The following APOO variants were observed in gnomAD, a reference collection of about 807,000 sequenced individuals.
The protein encoded by APOO is apolipoprotein O.
APOO carries 11 observed loss-of-function variants against 23.1 expected under a neutral mutation model. The observed-to-expected ratio is 0.48, with a 90% CI of 0.30 to 0.79. The LOEUF is 0.79. APOO is among the 30% of genes least tolerant of loss of function. APOO has a pLI of 0.07. For missense variants in APOO, 160 were observed against 142.7 expected, an observed-to-expected ratio of 1.12 and a Z score of -0.62; for synonymous variants, 59 against 54.8, an observed-to-expected ratio of 1.08 and a Z score of -0.34.
rs760203325 is a variant in APOO, at chrX:23,880,937, C to T, written c.25G>A (p.Val9Met). The change falls in exon 2 of 9, where the codon GTG becomes ATG. Residue 9 changes from valine to methionine, a missense_variant. Transcript: ENST00000379226. MFKVIQRS[V>M]GPASLSLLTF... ...AGCAAGCTCAGGCTGGCTGGCCCCA[C>T]GGACCTCTGAATTACCTGAAATGCA... 4.2e-6 allele frequency: 5 copies of T among 1,180,469 alleles called. No individual in the cohort carries two copies. Among genetic ancestry groups the T allele is most frequent in the East Asian group, 3.1e-5 (1 of 32,535 alleles).
chrX:23,855,907 T>C (rs1287479615), intron 7 of APOO, among the ~76,000 whole-genome samples: 1 of 112,027 alleles, frequency 8.9e-6, no homozygotes, highest in Non-Finnish European at 1.9e-5. Flanking sequence ...GAACTCATGA[T>C]AAGTGAAAAA....
intron 1 of APOO, among the ~76,000 whole-genome samples, chrX:23,885,559 C>T (rs1475867106): frequency 2.7e-5 from 3 of 109,160 alleles, no homozygotes; most frequent in Admixed American, 2.0e-4. Context: ...ACACACTCAG[C>T]CTATCTTTGA....
intron 2 of APOO, among the ~76,000 whole-genome samples, chrX:23,880,329 G>T (rs1337611587): frequency 9.0e-6 from 1 of 111,627 alleles, no homozygotes; most frequent in Non-Finnish European, 1.9e-5. Flanking sequence ...TATCATTAAA[G>T]TTTATCTGTT....
chrX:23,835,338 C>T (rs1601873774), intron 8 of APOO, among the ~76,000 whole-genome samples: 1 of 111,787 alleles, frequency 8.9e-6, no homozygotes, highest in Non-Finnish European at 1.9e-5. Flanking sequence ...GCTGGGATTA[C>T]AGGTATGAGC....
At chrX:23,859,060 C>T (rs1788082923) in intron 5 of APOO, among the ~76,000 whole-genome samples, 2 of 111,522 alleles carry the variant, frequency 1.8e-5, no homozygotes, top group Non-Finnish European at 3.8e-5. Flanking sequence ...GAGCTATGAT[C>T]ACACCTCTAA....
At chrX:23,887,922 T>C (rs369288316) in intron 1 of APOO, among the ~76,000 whole-genome samples, 5 of 111,676 alleles carry the variant, frequency 4.5e-5, no homozygotes, top group East Asian at 2.8e-4. Flanking sequence ...AGGACTCTAA[T>C]GTGTTGGCTT....
At chrX:23,906,994 A>C (rs1927386622) in intron 1 of APOO, among the ~76,000 whole-genome samples, 1 of 112,781 alleles carries the variant, frequency 8.9e-6, no homozygotes, top group Non-Finnish European at 1.9e-5. Context: ...TTTGTAGATT[A>C]ATTTCTGGTA....
chrX:23,840,134 T>C (rs1923898266), intron 8 of APOO, 179 bp downstream of exon 8: 2 of 308,838 alleles, frequency 6.5e-6, no homozygotes, highest in African/African-American at 2.8e-5. Flanking sequence ...GTAACATTAG[T>C]GGAACAAACA....
At chrX:23,837,358 T>C (rs753251440) in intron 8 of APOO, 13 of 827,888 alleles carry the variant, frequency 1.6e-5, no homozygotes, top group Non-Finnish European at 2.3e-5. Context: ...CTAATTTCTT[T>C]ATGTATGATA....
chrX:23,860,844 A>G (rs1165610911), intron 5 of APOO, among the ~76,000 whole-genome samples: 8 of 107,173 alleles, frequency 7.5e-5, no homozygotes, highest in African/African-American at 2.7e-4. Flanking sequence ...TCCTTTAAAA[A>G]AAAAAAAAAA....
chrX:23,899,334 C>T (rs367858794), intron 1 of APOO, among the ~76,000 whole-genome samples: 5 of 112,386 alleles, frequency 4.4e-5, no homozygotes, highest in South Asian at 7.2e-4. Context: ...GAAAACTCTA[C>T]GACCCTTGCC....
intron 1 of APOO, among the ~76,000 whole-genome samples, chrX:23,901,528 C>CAGTCAAA (rs1927132799): frequency 8.9e-6 from 1 of 111,879 alleles, no homozygotes; most frequent in Non-Finnish European, 1.9e-5. Flanking sequence ...ATAGATCCCA[C>CAGTCAAA]AGTCAAAAGT....
rs1685784716 is a variant in APOO, at chrX:23,907,889, G to A, written c.-187C>T. On this transcript the variant is annotated 5_prime_UTR_variant, in exon 1 of 9. Coordinates refer to ENST00000379226, the MANE Select transcript of APOO (RefSeq NM_024122.5). ...GTTCAATCACCCGGTTCTAGAAGCC[G>A]CGTCGCTGAGCCGCAGCGCGTCGCG... 1 of 457,341 alleles carries A rather than the reference G, an allele frequency of 2.2e-6. No homozygotes were observed. The highest frequency in any genetic ancestry group is 3.4e-6 in the Non-Finnish European group (1 of 296,443). 37.7% of individuals were successfully genotyped at this position (457,341 alleles called of 1,213,427 possible).
chrX:23,863,438 G>C (rs965446919), intron 5 of APOO, among the ~76,000 whole-genome samples: 1 of 111,743 alleles, frequency 8.9e-6, no homozygotes, highest in Non-Finnish European at 1.9e-5. Flanking sequence ...AAAAAAAAAT[G>C]TATCACCTGT....
At chrX:23,856,250 A>G (rs374618747) in intron 7 of APOO, 52 bp downstream of exon 7, 64 of 1,096,693 alleles carry the variant, frequency 5.8e-5, no homozygotes, top group Non-Finnish European at 7.3e-5. Context: ...AAAACCCTAG[A>G]GAAACCACAT....
At chrX:23,884,355 G>C (rs1376915258) in intron 1 of APOO, among the ~76,000 whole-genome samples, 1 of 111,121 alleles carries the variant, frequency 9.0e-6, no homozygotes, top group African/African-American at 3.3e-5. Context: ...AAGTAGAATT[G>C]AGATAGTTTA....
At chrX:23,841,184 A>G (rs1354768712) in intron 7 of APOO, among the ~76,000 whole-genome samples, 1 of 111,358 alleles carries the variant, frequency 9.0e-6, no homozygotes, top group Non-Finnish European at 1.9e-5. Flanking sequence ...AGAGTTATTC[A>G]TGGATGAAGG....
At chrX:23,874,762 T>C (rs760137203) in intron 3 of APOO, among the ~76,000 whole-genome samples, 1 of 111,673 alleles carries the variant, frequency 9.0e-6, no homozygotes, top group South Asian at 3.7e-4. Flanking sequence ...TAAAAATCAA[T>C]CCCCTTGATA....
chrX:23,868,578 T>C lies in APOO; in HGVS notation c.388+15A>G, dbSNP rs369524077. On this transcript the variant is annotated intron_variant, in intron 5 of 8. Transcript: ENST00000379226. ...CTTTATGAGCTGACTGTTAAAGCCATAAAATTGCACCTACCTCTAGCCAAA... is the reference window on the plus strand; with the variant it reads ...CTTTATGAGCTGACTGTTAAAGCCACAAAATTGCACCTACCTCTAGCCAAA... The C allele has an allele frequency of 2.9e-5, 35 of 1,189,811 alleles. No individual in the cohort carries two copies. In the African/African-American group the frequency reaches 5.8e-4, roughly 20 times the overall value.
Sources: gnomAD v4.1 joint callset for allele counts (sites outside exome capture counted in the v4.1 genomes callset) on GRCh38, gnomAD v4.1.1 for gene constraint, MANE v1.5 for transcripts, NCBI Gene and HGNC (gene_info 2026-07-23, HGNC 2026-07-21) for gene names.